The following FBXO21 variants were observed in gnomAD, a reference collection of about 807,000 sequenced individuals.
FBXO21 encodes the protein F-box only protein 21.
In FBXO21, 32 loss-of-function variants were observed where a neutral mutation model predicts 76.6. The ratio of observed to expected loss-of-function variants is 0.42; its 90% CI spans 0.32 to 0.56. The LOEUF is 0.56. FBXO21 is among the 20% of genes least tolerant of loss of function. The pLI, the probability that FBXO21 is intolerant of heterozygous loss-of-function variation, is 0.16. For missense variants in FBXO21, 586 were observed against 797.3 expected (o/e 0.73, Z 3.19); for synonymous variants, 328 against 311.5 (o/e 1.05, Z -0.56).
chr12:117,177,781 T>C (rs968845375), intron 3 of FBXO21, 140 bp from the exon 4 acceptor site: 2 of 641,728 alleles, frequency 3.1e-6, no homozygotes, highest in Non-Finnish European at 2.6e-6. Flanking sequence ...ATAATGGAAA[T>C]AGCAGTCTTT....
chr12:117,163,080 A>T (rs7957758), intron 9 of FBXO21, among the ~76,000 whole-genome samples: 2 of 151,972 alleles, frequency 1.3e-5, no homozygotes, highest in East Asian at 3.9e-4. Context: ...GCAGTCACAC[A>T]TGCGCTGGCA....
chr12:117,149,884 C>A (rs1955819290), intron 11 of FBXO21, among the ~76,000 whole-genome samples: 1 of 152,196 alleles, frequency 6.6e-6, no homozygotes, highest in African/African-American at 2.4e-5. Flanking sequence ...AGCTACTACA[C>A]AGAATTCTGA....
chr12:117,156,746 A>G (rs929225153), intron 10 of FBXO21, among the ~76,000 whole-genome samples: 4 of 152,218 alleles, frequency 2.6e-5, no homozygotes, highest in Non-Finnish European at 5.9e-5. Flanking sequence ...TCCATTTAAA[A>G]GTTTAAAAAA....
chr12:117,148,613 G>T (rs1329238568), intron 11 of FBXO21, among the ~76,000 whole-genome samples: 1 of 152,242 alleles, frequency 6.6e-6, no homozygotes, highest in Non-Finnish European at 1.5e-5. Context: ...CGGTGTCACA[G>T]GCACCCCTGC....
At chr12:117,147,597 C>CAAAAAAAAA (rs57318190) in intron 11 of FBXO21, among the ~76,000 whole-genome samples, 3 of 87,370 alleles carry the variant, frequency 3.4e-5, no homozygotes, top group Admixed American at 1.2e-4. Context: ...GACTCCATCT[C>CAAAAAAAAA]AAAAAAAAAA....
chr12:117,157,997 C>A lies in FBXO21; in HGVS notation c.1393G>T (p.Val465Leu). 1.2e-6 allele frequency: 2 copies of A among 1,614,210 alleles called. No individual in the cohort carries two copies. The highest frequency in any genetic ancestry group is 1.7e-6 in the Non-Finnish European group (2 of 1,180,028). The change falls in exon 10 of 12, where the codon GTG (valine) becomes TTG (leucine). Residue 465 changes from valine (V) to leucine (L), a missense_variant. This residue lies in a region of FBXO21 where 164 missense variants were observed against 236.7 expected (regional missense o/e 0.69). Coordinates refer to ENST00000622495, the MANE Select transcript of FBXO21 (RefSeq NM_015002.3). ...TCAATGTGCTCTAGAGTGTGCTGCACCAGGTAGCCCACCGCCCCGTGCTGC... is the reference window on the plus strand; with the variant it reads ...TCAATGTGCTCTAGAGTGTGCTGCAACAGGTAGCCCACCGCCCCGTGCTGC... ...PGQHGAVGYL[V>L]QHTLEHIERK...
intron 11 of FBXO21, among the ~76,000 whole-genome samples, chr12:117,153,862 A>C (rs1353292920): frequency 6.6e-6 from 1 of 152,246 alleles, no homozygotes; most frequent in Non-Finnish European, 1.5e-5. Flanking sequence ...AGCAGATATT[A>C]ATTTTTTCAG....
At chr12:117,177,663 G>A in intron 3 of FBXO21, 22 bp from the exon 4 acceptor site, 1 of 1,606,924 alleles carries the variant, frequency 6.2e-7, no homozygotes. Flanking sequence ...AAGTCAGTAA[G>A]AATTAAGATT....
intron 9 of FBXO21, among the ~76,000 whole-genome samples, chr12:117,163,404 G>A (rs1171984896): frequency 4.0e-5 from 6 of 151,872 alleles, no homozygotes; most frequent in Non-Finnish European, 8.8e-5. Flanking sequence ...GTGGTGGCAC[G>A]TGTCTGTAAT....
intron 9 of FBXO21, among the ~76,000 whole-genome samples, chr12:117,161,273 A>G (rs570937169): frequency 6.6e-6 from 1 of 152,150 alleles, no homozygotes; most frequent in African/African-American, 2.4e-5. Flanking sequence ...GACACGCAGC[A>G]CATGCAAAAG....
intron 3 of FBXO21, among the ~76,000 whole-genome samples, chr12:117,185,291 T>A (rs189055635): frequency 6.6e-6 from 1 of 152,246 alleles, no homozygotes; most frequent in East Asian, 1.9e-4. Flanking sequence ...AGGCCTAGAA[T>A]AGTGACACAT....
chr12:117,184,326 T>C (rs1956262831), intron 3 of FBXO21, among the ~76,000 whole-genome samples: 1 of 152,132 alleles, frequency 6.6e-6, no homozygotes, highest in African/African-American at 2.4e-5. Context: ...TTCCAGGACA[T>C]GCTATCTATT....
Position 117,189,332 on chromosome 12 carries a change from G to A in FBXO21, c.270C>T (p.Pro90=), listed in dbSNP as rs11556205. ...CTTCCAACCAATTGACGTAGTCGGT[G>A]GGGCTGTAGTGTTTCATAAGGGAAG... ...RWPSLMKHYS[P]TDYVNWLEEY... The change falls in exon 2 of 12, where the codon CCC becomes CCT. Residue 90 remains proline, a synonymous_variant. Transcript: ENST00000622495. 1.2e-6 allele frequency: 2 copies of A among 1,614,140 alleles called. No individual in the cohort carries two copies. Among genetic ancestry groups the A allele is most frequent in the Non-Finnish European group, 1.7e-6 (2 of 1,180,016 alleles).
rs1333994151 is a variant in FBXO21, at chr12:117,165,590, G to A, written c.1221C>T (p.Leu407=). The change falls in exon 9 of 12, where the codon CTC becomes CTT. Residue 407 remains leucine (L), a synonymous_variant. Transcript: ENST00000622495. ...GATAGAGATCCAGCGAGTCTCTCAG[G>A]AGCTGGTATGACTGGTCGATGCCTT... ...KREGIDQSYQ[L]LRDSLDLYLA... is the part of the protein sequence containing the mutation. The A allele has an allele frequency of 1.2e-6, 2 of 1,613,222 alleles. No homozygotes were observed. The highest frequency in any genetic ancestry group is 1.7e-6 in the Non-Finnish European group (2 of 1,179,420).
chr12:117,171,882 T>C (rs1956121672), intron 7 of FBXO21, among the ~76,000 whole-genome samples: 1 of 152,204 alleles, frequency 6.6e-6, no homozygotes, highest in Non-Finnish European at 1.5e-5. Flanking sequence ...CTTTTTGCCC[T>C]ACAGAGCACT....
rs369487658 is a variant in FBXO21, at chr12:117,185,775, AATT to A, written c.470+699_470+701del. On this transcript the variant is annotated intron_variant, in intron 3 of 11. Transcript: ENST00000622495. ...CCATTAAATTAAGACATGCCTAAGA[AATT>A]ATTATTTTTAAATTAAAAGATTCAA... Among the ~76,000 whole-genome samples the A allele has an allele frequency of 1.2e-4, 18 of 152,354 alleles. No individual in the cohort carries two copies. In the East Asian group the frequency reaches 2.5e-3, roughly 21 times the overall value.
chr12:117,158,903 G>A (rs185094511), intron 9 of FBXO21, among the ~76,000 whole-genome samples: 137 of 152,280 alleles, frequency 9.0e-4, no homozygotes, highest in African/African-American at 3.2e-3. Flanking sequence ...CACCCATTAC[G>A]TTTACAGCCC....
At chr12:117,147,290 GAAAAAAAAAAAA>G (rs144755940) in intron 11 of FBXO21, among the ~76,000 whole-genome samples, 1 of 85,080 alleles carries the variant, frequency 1.2e-5, no homozygotes, top group Non-Finnish European at 2.3e-5. Context: ...TGAAAAAATG[GAAAAAAAAAAAA>G]AAAAAGAAAA....
chr12:117,165,422 C>A, intron 9 of FBXO21, 63 bp downstream of exon 9: 1 of 1,490,670 alleles, frequency 6.7e-7, no homozygotes, highest in East Asian at 2.3e-5. Context: ...TTGTCACGGG[C>A]ACCCTTCAAT....
Sources: allele counts gnomAD v4.1 joint callset (sites outside exome capture counted in the v4.1 genomes callset), GRCh38; gene constraint gnomAD v4.1.1; regional missense constraint gnomAD v4.1.1; transcripts MANE v1.5; gene names NCBI Gene and HGNC (gene_info 2026-07-23, HGNC 2026-07-21).